NLGN1: variants seen among roughly 807,000 people sequenced by gnomAD.
The protein encoded by NLGN1 is neuroligin 1.
In NLGN1, 12 loss-of-function variants were observed where a neutral mutation model predicts 65.5. The ratio of observed to expected loss-of-function variants is 0.18; its 90% CI spans 0.12 to 0.30. The LOEUF (loss-of-function observed/expected upper bound fraction) is 0.30. NLGN1 is among the 10% of genes least tolerant of loss of function. The pLI is 1.00. For missense variants in NLGN1, 750 were observed against 1,007.1 expected, an observed-to-expected ratio of 0.74 and a Z score of 3.46; for synonymous variants, 350 against 359.5, an observed-to-expected ratio of 0.97 and a Z score of 0.30.
At chr3:174,054,340 T>C (rs1362693695) in intron 4 of NLGN1, among the ~76,000 whole-genome samples, 1 of 152,056 alleles carries the variant, frequency 6.6e-6, no homozygotes, top group Non-Finnish European at 1.5e-5. Flanking sequence ...CAAGAATTAT[T>C]TGACAGTAAA....
chr3:173,699,543 G>C (rs1368815192), intron 3 of NLGN1, among the ~76,000 whole-genome samples: 1 of 152,164 alleles, frequency 6.6e-6, no homozygotes, highest in Non-Finnish European at 1.5e-5. Context: ...AGTTGTTCTT[G>C]CAGTGAATAC....
intron 4 of NLGN1, among the ~76,000 whole-genome samples, chr3:173,983,618 G>A (rs2152397396): frequency 6.6e-6 from 1 of 152,128 alleles, no homozygotes; most frequent in African/African-American, 2.4e-5. Flanking sequence ...GCCTCTTGTA[G>A]TCTCTGACTC....
intron 3 of NLGN1, among the ~76,000 whole-genome samples, chr3:173,669,595 A>G (rs1762190419): frequency 6.6e-6 from 1 of 152,188 alleles, no homozygotes; most frequent in South Asian, 2.1e-4. Context: ...TAATTCAACT[A>G]GTTACACCCA....
chr3:173,456,674 G>A (rs1560281251), intron 2 of NLGN1, among the ~76,000 whole-genome samples: 1 of 152,088 alleles, frequency 6.6e-6, no homozygotes, highest in Non-Finnish European at 1.5e-5. Flanking sequence ...CCAGCAGGAT[G>A]TGGAAAATCA....
At chr3:174,111,998 A>G (rs192484518) in intron 4 of NLGN1, among the ~76,000 whole-genome samples, 214 of 152,014 alleles carry the variant, frequency 1.4e-3, no homozygotes, top group African/African-American at 4.9e-3. Flanking sequence ...TAAGAGAGGA[A>G]CCCAGCCAGC....
At chr3:174,038,647 C>T (rs766728203) in intron 4 of NLGN1, among the ~76,000 whole-genome samples, 2 of 152,172 alleles carry the variant, frequency 1.3e-5, no homozygotes, top group Non-Finnish European at 2.9e-5. Context: ...AGGTTACCCC[C>T]CTGAGTCCAT....
chr3:174,286,559 G>T (rs1752141856), exon 7 of NLGN1: 1 of 151,526 alleles, frequency 6.6e-6, no homozygotes, highest in African/African-American at 2.4e-5. Flanking sequence ...CCATTGGGTT[G>T]TCATGATTCA....
intron 3 of NLGN1, among the ~76,000 whole-genome samples, chr3:173,741,245 A>G (rs1332147793): frequency 6.6e-6 from 1 of 152,112 alleles, no homozygotes; most frequent in African/African-American, 2.4e-5. Context: ...CTAGCATGGC[A>G]TCTGGCACAG....
chr3:174,044,724 C>CTGTGTCCCCTTCCAAATCTCATATTGAT (rs1006354517), intron 4 of NLGN1, among the ~76,000 whole-genome samples: 2 of 152,264 alleles, frequency 1.3e-5, no homozygotes, highest in Non-Finnish European at 2.9e-5. Flanking sequence ...TATGGTTTGA[C>CTGTGTCCCCTTCCAAATCTCATATTGAT]TGTGTCCCCT....
chr3:174,173,513 A>AT (rs1465302171), intron 4 of NLGN1, among the ~76,000 whole-genome samples: 17 of 152,022 alleles, frequency 1.1e-4, no homozygotes, highest in African/African-American at 3.1e-4. Context: ...ATTTTTGAGG[A>AT]TTTTTTTATT....
chr3:174,178,105 T>G (rs1305747638), intron 4 of NLGN1, among the ~76,000 whole-genome samples: 2 of 152,074 alleles, frequency 1.3e-5, no homozygotes, highest in African/African-American at 2.4e-5. Context: ...CTTGGCACAG[T>G]AGGAAGTTCA....
At chr3:173,655,541 A>G (rs1028416237) in intron 3 of NLGN1, among the ~76,000 whole-genome samples, 2 of 151,984 alleles carry the variant, frequency 1.3e-5, no homozygotes, top group African/African-American at 4.8e-5. Context: ...AGGTGTACTT[A>G]CCAACTGTGC....
chr3:173,500,094 T>C (rs963804382), intron 2 of NLGN1, among the ~76,000 whole-genome samples: 1 of 152,142 alleles, frequency 6.6e-6, no homozygotes, highest in Non-Finnish European at 1.5e-5. Flanking sequence ...CCATGTTGAA[T>C]AGGAGTGGTA....
rs1750927679 is a variant in NLGN1 at position 173,603,705 on chromosome 3, C to G, written c.-320-574C>G. ...TTTTATGAAAACATTTGAGATACAG[C>G]AAGGAAGTGAGGTAGTTTCATCTGA... On this transcript the variant is annotated intron_variant, in intron 2 of 6. Transcript: ENST00000457714. 4.6e-5 allele frequency among the ~76,000 whole-genome samples: 7 copies of G among 152,132 alleles called. No homozygotes were observed. The South Asian group carries it at 1.5e-3, about 32-fold the overall frequency.
chr3:173,550,096 C>A (rs1740585691), intron 2 of NLGN1, among the ~76,000 whole-genome samples: 2 of 152,010 alleles, frequency 1.3e-5, no homozygotes, highest in Non-Finnish European at 2.9e-5. Context: ...TTTTTAATAT[C>A]TCAATTGAAG....
chr3:173,446,281 T>C (rs918280843), intron 2 of NLGN1, among the ~76,000 whole-genome samples: 7 of 148,712 alleles, frequency 4.7e-5, no homozygotes, highest in Non-Finnish European at 1.0e-4. Flanking sequence ...GTTCTCATTG[T>C]TCAATTCCCA....
intron 2 of NLGN1, among the ~76,000 whole-genome samples, chr3:173,603,743 G>A (rs1288529280): frequency 6.6e-6 from 1 of 151,964 alleles, no homozygotes; most frequent in Non-Finnish European, 1.5e-5. Context: ...AATCATAGCT[G>A]AACTCATATG....
intron 4 of NLGN1, among the ~76,000 whole-genome samples, chr3:173,909,945 T>A (rs1579125219): frequency 1.3e-5 from 2 of 152,316 alleles, no homozygotes; most frequent in Admixed American, 1.3e-4. Flanking sequence ...CCCAAAGTGC[T>A]GGCATTACAG....
In NLGN1 at chr3:173,423,895, G is replaced by A. The variant is rs558941562; in HGVS notation, c.-389-11115G>A. ...GACTCCAGCCCCACATTTCCCTTCC[G>A]CACTTCCGTAGCAGAGGTTCTCCAC... On this transcript the variant is annotated intron_variant, in intron 1 of 6. Transcript: ENST00000457714. 2.7e-4 allele frequency among the ~76,000 whole-genome samples: 41 copies of A among 152,246 alleles called. No homozygotes were observed. The South Asian group carries it at 6.6e-3, about 25-fold the overall frequency.
Sources: allele counts gnomAD v4.1 joint callset (sites outside exome capture counted in the v4.1 genomes callset), GRCh38; gene constraint gnomAD v4.1.1; transcripts MANE v1.5; gene names NCBI Gene and HGNC (gene_info 2026-07-23, HGNC 2026-07-21).